The following NRN1 variants were observed in gnomAD, a reference collection of about 807,000 sequenced individuals.
NRN1 encodes the protein neuritin.
A neutral mutation model predicts 15.0 loss-of-function variants in NRN1; 4 were observed. The observed-to-expected ratio is 0.27, with a 90% CI of 0.13 to 0.61. The LOEUF is 0.61. NRN1 is among the 20% of genes least tolerant of loss of function. The pLI, the probability that NRN1 is intolerant of heterozygous loss-of-function variation, is 0.87. For missense variants in NRN1, 134 were observed against 181.9 expected (o/e 0.74, Z 1.51); for synonymous variants, 85 against 79.8 (o/e 1.07, Z -0.35).
At chr6:6,003,634 C>A in intron 1 of NRN1, 3 of 1,060,998 alleles carry the variant, frequency 2.8e-6, no homozygotes, top group Non-Finnish European at 2.4e-6. Context: ...AAGGTCCAAG[C>A]CCCAAGCCCC....
At chr6:5,999,380 G>A (rs1449892861) in intron 2 of NRN1, among the ~76,000 whole-genome samples, 176 bp from the exon 3 acceptor site, 1 of 152,216 alleles carries the variant, frequency 6.6e-6, no homozygotes, top group Non-Finnish European at 1.5e-5. Flanking sequence ...GGACTCGCGG[G>A]ACCTCCGCCT....
intron 1 of NRN1, chr6:6,004,058 G>A (rs1758041840): frequency 8.7e-7 from 1 of 1,147,674 alleles, no homozygotes. Flanking sequence ...GCTTCCGAGA[G>A]CGTACCCGTT....
rs970447015 is a variant in NRN1 at position 5,998,079 on chromosome 6, T to C, written c.*897A>G. 1 of 149,528 alleles carries C rather than the reference T, an allele frequency of 6.7e-6. No individual in the cohort carries two copies. Among genetic ancestry groups the C allele is most frequent in the African/African-American group, 2.5e-5 (1 of 40,674 alleles). The allele number at this position is 149,528 out of a possible 1,614,324, so 9.3% of individuals were successfully genotyped here. A position where few individuals can be genotyped will look rare whatever the true frequency, so the allele number is the denominator to read the frequency against. Reference sequence around the variant, plus strand: ...TTGCTGAATTTAATTTATAATAAACTTTTTAAATTACATCTCTCTCTCTTT... The same window carrying C: ...TTGCTGAATTTAATTTATAATAAACCTTTTAAATTACATCTCTCTCTCTTT... On this transcript the variant is annotated 3_prime_UTR_variant, in exon 3 of 3. Transcript: ENST00000244766.
chr6:6,001,676 A>G (rs1757949747), intron 2 of NRN1, among the ~76,000 whole-genome samples: 2 of 152,178 alleles, frequency 1.3e-5, no homozygotes, highest in African/African-American at 4.8e-5. Context: ...ACTCAAAGCG[A>G]CTATCACTGG....
In NRN1 at chr6:6,003,270, T is replaced by C. The variant is rs1052616983; in HGVS notation, c.56-773A>G. 6 of 1,233,838 alleles carry C rather than the reference T, an allele frequency of 4.9e-6. No individual in the cohort carries two copies. In the African/African-American group the frequency reaches 9.3e-5, roughly 19 times the overall value. 76.4% of individuals were successfully genotyped at this position (1,233,838 alleles called of 1,614,324 possible). On this transcript the variant is annotated intron_variant, in intron 1 of 2. Coordinates refer to ENST00000244766, the MANE Select transcript of NRN1 (RefSeq NM_016588.3). ...CCTGAGACCTGGCGCGGATGATGAG[T>C]GGTCTGGAGAGGAGAAGGCCAGAGG...
At chr6:6,003,673 C>A (rs1413641548) in intron 1 of NRN1, 3 of 1,231,654 alleles carry the variant, frequency 2.4e-6, no homozygotes, top group Middle Eastern at 2.1e-4. Context: ...ACGGCCAAAC[C>A]CCGAGGCGCG....
In NRN1 at chr6:6,000,084, A is replaced by G. The variant is rs561922457; in HGVS notation, c.201-880T>C. Among the ~76,000 whole-genome samples, 487 of 152,196 alleles carry G rather than the reference A, an allele frequency of 3.2e-3. 5 individuals carry two copies. Among genetic ancestry groups the G allele is most frequent in the African/African-American group, 0.011 (459 of 41,522 alleles). ...AGTCTTTTCCGTGGGCTTGGGCCCC[A>G]TGGGGCTTCCTCCCCACAGCTTTCA... On this transcript the variant is annotated intron_variant, in intron 2 of 2. Transcript: ENST00000244766.
In NRN1 at chr6:6,003,280, A is replaced by C. The variant is rs3792947; in HGVS notation, c.56-783T>G. The C allele has an allele frequency of 0.63, 777,555 of 1,233,402 alleles. 247,417 individuals carry two copies. The highest frequency in any genetic ancestry group is 0.84 in the African/African-American group (53,951 of 64,500). The allele number at this position is 1,233,402 out of a possible 1,614,324, so 76.4% of individuals were successfully genotyped here. On this transcript the variant is annotated intron_variant, in intron 1 of 2. Transcript: ENST00000244766. ...GGCGCGGATGATGAGTGGTCTGGAG[A>C]GGAGAAGGCCAGAGGCCGGGCGGGG...
At chr6:6,003,834 C>T (rs1197280497) in intron 1 of NRN1, 4 of 1,233,350 alleles carry the variant, frequency 3.2e-6, no homozygotes, top group East Asian at 6.3e-5. Context: ...AGCGTTAGGG[C>T]GGGGAAGAAA....
chr6:6,003,526 G>A (rs1399570338), intron 1 of NRN1, among the ~76,000 whole-genome samples: 8 of 152,228 alleles, frequency 5.3e-5, no homozygotes, highest in Non-Finnish European at 7.3e-5. Context: ...CGCGGCCCGG[G>A]GCTCCTGGCC....
At chr6:6,006,541 C>G (rs1758114403) in intron 1 of NRN1, among the ~76,000 whole-genome samples, 154 bp downstream of exon 1, 1 of 152,252 alleles carries the variant, frequency 6.6e-6, no homozygotes, top group South Asian at 2.1e-4. Context: ...CTGGGACGCG[C>G]TAGTCCCCAG....
Position 5,999,436 on chromosome 6 carries a change from C to A in NRN1, c.201-232G>T, listed in dbSNP as rs190676710. Among the ~76,000 whole-genome samples, 4 of 152,364 alleles carry A rather than the reference C, an allele frequency of 2.6e-5. No homozygotes were observed. In the East Asian group the frequency reaches 7.7e-4, roughly 29 times the overall value. ...AAGCGGGGGTGGGGGGGCGCCCCCT[C>A]CTGTCTGGTTTTCCCTTCCAGTTGC... On this transcript the variant is annotated intron_variant, in intron 2 of 2. Coordinates refer to ENST00000244766, the MANE Select transcript of NRN1 (RefSeq NM_016588.3).
At chr6:6,004,208 A>T (rs775400659) in intron 1 of NRN1, among the ~76,000 whole-genome samples, 2 of 152,218 alleles carry the variant, frequency 1.3e-5, no homozygotes, top group Admixed American at 6.5e-5. Flanking sequence ...AGTTCACCTT[A>T]CAGCGAACAT....
At chr6:6,003,256 G>A in intron 1 of NRN1, 1 of 1,234,550 alleles carries the variant, frequency 8.1e-7, no homozygotes, top group East Asian at 3.2e-5. Context: ...CTGAGACCTG[G>A]CGCGGATGAT....
At chr6:6,007,296 G>C (rs1016180136), upstream of NRN1, among the ~76,000 whole-genome samples, 3 of 151,770 alleles carry the variant, frequency 2.0e-5, no homozygotes, top group Admixed American at 6.6e-5. Context: ...TCCCCGCCAG[G>C]AGCTGGGGAG....
intron 2 of NRN1, 111 bp downstream of exon 2, chr6:6,002,242 T>A: frequency 1.4e-6 from 2 of 1,387,216 alleles, no homozygotes; most frequent in Admixed American, 1.8e-5. Context: ...AGTGAGCCGA[T>A]GCGGATTCGC....
chr6:6,007,189 C>G (rs1224953735), upstream of NRN1, among the ~76,000 whole-genome samples: 1 of 151,956 alleles, frequency 6.6e-6, no homozygotes, highest in Non-Finnish European at 1.5e-5. Flanking sequence ...CGGGGGTGAG[C>G]ACTTTCCTAT....
intron 2 of NRN1, 84 bp from the exon 3 acceptor site, chr6:5,999,288 C>A (rs1010486308): frequency 5.7e-6 from 7 of 1,219,722 alleles, no homozygotes; most frequent in South Asian, 5.0e-5. Flanking sequence ...TGCGCCTCCC[C>A]GCTGGCGGCC....
chr6:5,999,743 C>T (rs888149136), intron 2 of NRN1, among the ~76,000 whole-genome samples: 9 of 152,232 alleles, frequency 5.9e-5, no homozygotes, highest in Non-Finnish European at 1.3e-4. Flanking sequence ...CTCATTCTCT[C>T]CCTCCACCTA....
Sources: allele counts gnomAD v4.1 joint callset (sites outside exome capture counted in the v4.1 genomes callset), GRCh38; gene constraint gnomAD v4.1.1; transcripts MANE v1.5; gene names NCBI Gene and HGNC (gene_info 2026-07-23, HGNC 2026-07-21).